OTOF: variants seen among roughly 807,000 people sequenced by gnomAD.
OTOF encodes the protein otoferlin.
Under a neutral mutation model 236.8 loss-of-function variants are expected in OTOF, and 218 were observed. The observed-to-expected ratio is 0.92, with a 90% CI of 0.82 to 1.03. The LOEUF (loss-of-function observed/expected upper bound fraction) is 1.03. Ranked by LOEUF, OTOF falls within the 50% of genes least tolerant of loss-of-function variation. The pLI, the probability that OTOF is intolerant of heterozygous loss-of-function variation, is 0.00. For synonymous variants in OTOF, 1,041 were observed against 1,072.5 expected, an observed-to-expected ratio of 0.97 and a Z score of 0.57; for missense variants, 2,590 against 2,694.4, an observed-to-expected ratio of 0.96 and a Z score of 0.86.
intron 14 of OTOF, among the ~76,000 whole-genome samples, chr2:26,481,924 G>T (rs932312769): frequency 2.0e-5 from 3 of 152,042 alleles, no homozygotes; most frequent in African/African-American, 7.2e-5. Flanking sequence ...TGAGCACTTT[G>T]ATCCAGGAAT....
intron 2 of OTOF, among the ~76,000 whole-genome samples, chr2:26,536,539 G>C (rs1032639744): frequency 2.6e-5 from 4 of 152,078 alleles, no homozygotes; most frequent in African/African-American, 9.7e-5. Flanking sequence ...TGCTCCCTGT[G>C]TCTCCAGCTC....
At chr2:26,465,883 A>T (rs1380478867) in intron 37 of OTOF, 41 bp from the exon 38 acceptor site, 6 of 1,614,170 alleles carry the variant, frequency 3.7e-6, no homozygotes, top group Non-Finnish European at 5.1e-6. Context: ...AGGATTGGCT[A>T]GGGTGGGAGG....
chr2:26,466,992 G>A, intron 35 of OTOF, 107 bp downstream of exon 35: 1 of 1,561,422 alleles, frequency 6.4e-7, no homozygotes, highest in Non-Finnish European at 8.8e-7. Context: ...AGAGTCCAGG[G>A]CTTCTGGAGG....
intron 1 of OTOF, among the ~76,000 whole-genome samples, chr2:26,550,292 G>A (rs191112694): frequency 2.6e-5 from 4 of 152,226 alleles, no homozygotes; most frequent in Admixed American, 1.3e-4. Context: ...CCCTGTCTCC[G>A]GAGCCTTTTC....
At chr2:26,486,065 C>T (rs577352048) in intron 11 of OTOF, among the ~76,000 whole-genome samples, 11 of 151,920 alleles carry the variant, frequency 7.2e-5, no homozygotes, top group Admixed American at 2.6e-4. Context: ...GCTGCCTGGC[C>T]GGCTGAGAGA....
chr2:26,462,069 G>A lies in OTOF; in HGVS notation c.5291+14C>T. 1.2e-6 allele frequency: 2 copies of A among 1,612,114 alleles called. No homozygotes were observed. The highest frequency in any genetic ancestry group is 1.7e-6 in the Non-Finnish European group (2 of 1,178,452). On this transcript the variant is annotated intron_variant, in intron 42 of 46. Coordinates refer to ENST00000272371, the MANE Select transcript of OTOF (RefSeq NM_194248.3). The surrounding 1 kb of genome is among the most constrained non-coding windows in gnomAD (Gnocchi z 4.7). ...CCCAGCTCAGTCCCTCCCATGCAGGGACTGCTCACCCACCCCCTCACGAAG... is the reference window on the plus strand; with the variant it reads ...CCCAGCTCAGTCCCTCCCATGCAGGAACTGCTCACCCACCCCCTCACGAAG...
At chr2:26,468,913 G>A (rs1393310882) in intron 32 of OTOF, among the ~76,000 whole-genome samples, 1 of 152,170 alleles carries the variant, frequency 6.6e-6, no homozygotes, top group Non-Finnish European at 1.5e-5. Context: ...GGTGCTGGGG[G>A]AGAGGGGAGG....
chr2:26,533,431 T>C (rs1558520006), intron 2 of OTOF, among the ~76,000 whole-genome samples: 1 of 151,866 alleles, frequency 6.6e-6, no homozygotes, highest in Non-Finnish European at 1.5e-5. Flanking sequence ...TGTGTCTCTG[T>C]CTCTCTCTCT....
chr2:26,511,877 G>A (rs1000354042), intron 5 of OTOF, among the ~76,000 whole-genome samples: 8 of 152,170 alleles, frequency 5.3e-5, no homozygotes, highest in East Asian at 1.9e-4. Flanking sequence ...TGTGGAAACC[G>A]ATTTAAAAAC....
chr2:26,477,025 C>T lies in OTOF; in HGVS notation c.2542G>A (p.Asp848Asn), dbSNP rs147865867. Residue 848 changes from aspartate (D) to asparagine (N), a missense_variant, in exon 22 of 47, where the codon GAC becomes AAC. Physicochemically the swap from Asp to Asn is conservative, Grantham distance 23 (BLOSUM62 1). Coordinates refer to ENST00000272371, the MANE Select transcript of OTOF (RefSeq NM_194248.3). This position sits in a 1 kb window ranked among gnomAD's most constrained non-coding sequence, Gnocchi z 4.7. ...LADEPQHSIP[D>N]IFIWMMSNNK... ...TTGCTCATCATCCAGATGAAGATGTCGGGAATGCTGTGCTGGGGCTGGGGG... is the reference window on the plus strand; with the variant it reads ...TTGCTCATCATCCAGATGAAGATGTTGGGAATGCTGTGCTGGGGCTGGGGG... 2.4e-5 allele frequency: 35 copies of T among 1,433,316 alleles called. No individual in the cohort carries two copies. In the African/African-American group the frequency reaches 3.6e-4, roughly 15 times the overall value. The allele number at this position is 1,433,316 out of a possible 1,614,324, so 88.8% of individuals were successfully genotyped here. A position where few individuals can be genotyped will look rare whatever the true frequency, so the allele number is the denominator to read the frequency against.
At chr2:26,489,155 A>G (rs1021650873) in intron 11 of OTOF, 56 bp downstream of exon 11, 6 of 1,285,196 alleles carry the variant, frequency 4.7e-6, no homozygotes, top group Non-Finnish European at 4.4e-6. Context: ...GGCCCCGTGC[A>G]CCACGCTCCC....
intron 5 of OTOF, among the ~76,000 whole-genome samples, chr2:26,515,504 A>C (rs1036662154): frequency 2.0e-5 from 3 of 152,206 alleles, no homozygotes; most frequent in African/African-American, 7.2e-5. Context: ...CAAAGGAGAA[A>C]ACATATTTGT....
At chr2:26,503,582 G>A (rs1416278190) in intron 6 of OTOF, among the ~76,000 whole-genome samples, 190 bp downstream of exon 6, 1 of 152,242 alleles carries the variant, frequency 6.6e-6, no homozygotes, top group African/African-American at 2.4e-5. Context: ...CCCCGACAGA[G>A]GGCGCTGCCC....
chr2:26,508,919 T>C (rs1157561906), intron 5 of OTOF, among the ~76,000 whole-genome samples: 1 of 152,228 alleles, frequency 6.6e-6, no homozygotes, highest in African/African-American at 2.4e-5. Context: ...CTACACATAA[T>C]AATAATAACA....
intron 25 of OTOF, 79 bp downstream of exon 25, chr2:26,475,280 C>G: frequency 6.5e-6 from 10 of 1,534,268 alleles, no homozygotes; most frequent in Non-Finnish European, 8.1e-6. Flanking sequence ...GAGGGCACAG[C>G]CTCAGCGCAG....
rs759149660 is a variant in OTOF at position 26,480,790 on chromosome 2, G to A, written c.1799C>T (p.Ser600Leu). The change falls in exon 15 of 47, where the codon TCG (serine) becomes TTG (leucine). Residue 600 changes from serine to leucine, a missense_variant. By Grantham distance (145) the Ser-to-Leu change is moderately radical. Coordinates refer to ENST00000272371, the MANE Select transcript of OTOF (RefSeq NM_194248.3). ...GCACAGTGCCTGGGGTCTCACCTCC[G>A]AGATGGGCGTGGCCTGCTCCACCTG... ...EVQVEQATPI[S>L]ESCAGKMEEF... 26 of 1,611,532 alleles carry A rather than the reference G, an allele frequency of 1.6e-5. No homozygotes were observed. The highest frequency in any genetic ancestry group is 8.0e-5 in the African/African-American group (6 of 74,870).
intron 3 of OTOF, 31 bp downstream of exon 3, chr2:26,527,801 C>A (rs1205215297): frequency 6.5e-7 from 1 of 1,528,256 alleles, no homozygotes; most frequent in East Asian, 2.3e-5. Context: ...CCCGTCCAGG[C>A]CCAGCCCCTC....
At chr2:26,516,237 G>A (rs1666520153) in intron 5 of OTOF, among the ~76,000 whole-genome samples, 181 bp downstream of exon 5, 1 of 152,196 alleles carries the variant, frequency 6.6e-6, no homozygotes, top group African/African-American at 2.4e-5. Context: ...TGACCTCGGG[G>A]GTGGACGGCT....
chr2:26,477,487 C>A lies in OTOF; in HGVS notation c.2335G>T (p.Asp779Tyr). 1 of 1,603,496 alleles carries A rather than the reference C, an allele frequency of 6.2e-7. No homozygotes were observed. Among genetic ancestry groups the A allele is most frequent in the South Asian group, 1.1e-5 (1 of 89,142 alleles). ...CGCCRFLSLA[D>Y]KDQGHSSRTR... ...CGGGATGAGTGGCCCTGGTCCTTGT[C>A]AGCGAGGGAGAGGAAGCGGCTGGGG... Residue 779 changes from aspartate (D) to tyrosine (Y), a missense_variant, in exon 20 of 47, where the codon GAC becomes TAC. By Grantham distance (160) the Asp-to-Tyr change is radical (BLOSUM62 -3). Transcript: ENST00000272371. The surrounding 1 kb of genome is among the most constrained non-coding windows in gnomAD (Gnocchi z 4.7).
Sources: gnomAD v4.1 joint callset for allele counts (sites outside exome capture counted in the v4.1 genomes callset) on GRCh38, gnomAD v4.1.1 for gene constraint, Gnocchi (gnomAD v3.1) non-coding constraint, MANE v1.5 for transcripts, NCBI Gene and HGNC (gene_info 2026-07-23, HGNC 2026-07-21) for gene names.